BCL11B: variants seen among roughly 807,000 people sequenced by gnomAD.
The protein encoded by BCL11B is BCL11 transcription factor B, also known as B-cell lymphoma/leukemia 11B.
A neutral mutation model predicts 49.9 loss-of-function variants in BCL11B; 8 were observed. The observed-to-expected ratio is 0.16, with a 90% confidence interval of 0.09 to 0.29. BCL11B has a LOEUF of 0.29. Among genes scored for constraint, BCL11B ranks in the 10% least tolerant of loss-of-function variants. BCL11B has a pLI of 1.00. For synonymous variants in BCL11B, 739 were observed against 637.4 expected (o/e 1.16, Z -2.40); for missense variants, 1,006 against 1,351.0 (o/e 0.74, Z 4.00).
rs1888667479 is a variant in BCL11B at position 99,241,430 on chromosome 14, T to C, written c.428-9873A>G. ...AGAGGAAGAAAGCAGCAAGCATCGC[T>C]CAGGAGGCCTCAGAGACTAAACAGA... On this transcript the variant is annotated intron_variant, in intron 2 of 3. Coordinates refer to ENST00000357195, the MANE Select transcript of BCL11B (RefSeq NM_138576.4). The surrounding 1 kb of genome is among the most constrained non-coding windows in gnomAD (Gnocchi z 4.4). Among the ~76,000 whole-genome samples, 2 of 150,946 alleles carry C rather than the reference T, an allele frequency of 1.3e-5. No individual in the cohort carries two copies.
chr14:99,201,405 C>T (rs765976069), intron 3 of BCL11B, among the ~76,000 whole-genome samples: 2 of 152,178 alleles, frequency 1.3e-5, no homozygotes, highest in African/African-American at 4.8e-5. Context: ...CAACATGAAT[C>T]GCTGTCATGA....
intron 3 of BCL11B, among the ~76,000 whole-genome samples, chr14:99,219,814 A>G (rs886320277): frequency 1.3e-5 from 1 of 76,852 alleles, no homozygotes; most frequent in Non-Finnish European, 2.4e-5. Context: ...AATAAAAATT[A>G]AAAAAAAAAA....
chr14:99,253,695 T>C (rs1199531655), intron 2 of BCL11B, among the ~76,000 whole-genome samples: 1 of 151,678 alleles, frequency 6.6e-6, no homozygotes, highest in Non-Finnish European at 1.5e-5. Flanking sequence ...TCACCCCTCC[T>C]CAAAACACCC....
At chr14:99,179,722 C>A (rs1886645769) in intron 3 of BCL11B, among the ~76,000 whole-genome samples, 1 of 152,154 alleles carries the variant, frequency 6.6e-6, no homozygotes, top group African/African-American at 2.4e-5. Flanking sequence ...AGTGCAGGAT[C>A]TGAAGCCTTC....
intron 3 of BCL11B, among the ~76,000 whole-genome samples, chr14:99,179,059 G>A (rs1886621467): frequency 6.6e-6 from 1 of 152,216 alleles, no homozygotes; most frequent in South Asian, 2.1e-4. Context: ...CAGCAGTGAA[G>A]GCGGCTCTAC....
At chr14:99,193,222 CTT>C (rs1887088638) in intron 3 of BCL11B, among the ~76,000 whole-genome samples, 1 of 152,216 alleles carries the variant, frequency 6.6e-6, no homozygotes, top group African/African-American at 2.4e-5. Context: ...GCACACTCCT[CTT>C]TCTTTCTCCC....
At chr14:99,246,992 G>A (rs1051066065) in intron 2 of BCL11B, among the ~76,000 whole-genome samples, 5 of 152,114 alleles carry the variant, frequency 3.3e-5, no homozygotes, top group Non-Finnish European at 7.4e-5. Context: ...AGTGACCCAG[G>A]CCCCAGAGGG....
chr14:99,259,076 C>G (rs528360847), intron 1 of BCL11B, among the ~76,000 whole-genome samples: 1 of 152,034 alleles, frequency 6.6e-6, no homozygotes, highest in African/African-American at 2.4e-5. Context: ...TGAGCAAATT[C>G]GGGCTGGAAT....
At chr14:99,243,414 G>T (rs1443106670) in intron 2 of BCL11B, among the ~76,000 whole-genome samples, 1 of 152,092 alleles carries the variant, frequency 6.6e-6, no homozygotes, top group East Asian at 1.9e-4. Flanking sequence ...CTGCCCCCAC[G>T]GACTGAACAA....
intron 3 of BCL11B, among the ~76,000 whole-genome samples, chr14:99,209,984 G>T (rs925947086): frequency 2.0e-5 from 3 of 152,002 alleles, no homozygotes; most frequent in African/African-American, 4.8e-5. Flanking sequence ...CTCTCATCAA[G>T]GGCTGAGGAA....
Position 99,257,931 on chromosome 14 carries a change from G to A in BCL11B, c.59-92C>T, listed in dbSNP as rs949572139. On this transcript the variant is annotated intron_variant, in intron 1 of 3. Coordinates refer to ENST00000357195, the MANE Select transcript of BCL11B (RefSeq NM_138576.4). The surrounding 1 kb of genome is among the most constrained non-coding windows in gnomAD (Gnocchi z 6.2). ...CCAACTTCCGGTCCACCCCTTCCCC[G>A]CCAAGAAGCAGCCCCCTCTGCTGCT... The A allele has an allele frequency of 1.4e-5, 19 of 1,377,716 alleles. No individual in the cohort carries two copies. Among genetic ancestry groups the A allele is most frequent in the Middle Eastern group, 2.4e-4 (1 of 4,158 alleles). 85.3% of individuals were successfully genotyped at this position (1,377,716 alleles called of 1,614,324 possible). A position where few individuals can be genotyped will look rare whatever the true frequency, so the allele number is the denominator to read the frequency against.
rs1409545641 is a variant in BCL11B at position 99,174,297 on chromosome 14, C to T, written c.2539G>A (p.Gly847Arg). 6.2e-7 allele frequency: 1 copy of T among 1,613,556 alleles called. No individual in the cohort carries two copies. The highest frequency in any genetic ancestry group is 8.5e-7 in the Non-Finnish European group (1 of 1,180,014). The change falls in exon 4 of 4, where the codon GGG becomes AGG. Residue 847 changes from glycine to arginine, a missense_variant. Gly to Arg is a moderately radical substitution (Grantham distance 125, BLOSUM62 -2). Transcript: ENST00000357195. ...SKLTRHMKTHGQIGKEVYRCD... is the reference protein window; with the variant it reads ...SKLTRHMKTHRQIGKEVYRCD... ...CGGTACACCTCCTTGCCGATCTGCC[C>T]GTGCGTCTTCATGTGGCGCGTGAGC...
At chr14:99,234,107 G>A (rs1888417838) in intron 2 of BCL11B, among the ~76,000 whole-genome samples, 1 of 152,142 alleles carries the variant, frequency 6.6e-6, no homozygotes, top group Non-Finnish European at 1.5e-5. Context: ...GTTCATAAGA[G>A]GCAAATCCAC....
At chr14:99,208,717 A>C (rs1400543896) in intron 3 of BCL11B, among the ~76,000 whole-genome samples, 1 of 152,194 alleles carries the variant, frequency 6.6e-6, no homozygotes. Context: ...CCGTTGTTTG[A>C]GGCATTTCTG....
intron 3 of BCL11B, among the ~76,000 whole-genome samples, chr14:99,220,973 C>T (rs2139865600): frequency 6.6e-6 from 1 of 152,234 alleles, no homozygotes; most frequent in East Asian, 1.9e-4. Flanking sequence ...GCCTCAGCCT[C>T]CCAAGTAGCT....
At chr14:99,219,023 T>A (rs1887934266) in intron 3 of BCL11B, among the ~76,000 whole-genome samples, 1 of 150,302 alleles carries the variant, frequency 6.7e-6, no homozygotes, top group Admixed American at 6.7e-5. Flanking sequence ...AAAATACATT[T>A]CTTTTCTTTT....
intron 3 of BCL11B, among the ~76,000 whole-genome samples, chr14:99,201,892 A>C (rs1887395107): frequency 6.6e-6 from 1 of 152,006 alleles, no homozygotes; most frequent in South Asian, 2.1e-4. Context: ...CTTCCTCTCT[A>C]TTTCTGGTGA....
intron 2 of BCL11B, among the ~76,000 whole-genome samples, chr14:99,238,869 G>T (rs1454873564): frequency 6.6e-6 from 1 of 152,114 alleles, no homozygotes; most frequent in Non-Finnish European, 1.5e-5. Context: ...CCAAATTGGG[G>T]CCCACCATCC....
At chr14:99,178,516 T>A (rs1886605635) in intron 3 of BCL11B, among the ~76,000 whole-genome samples, 2 of 152,154 alleles carry the variant, frequency 1.3e-5, no homozygotes, top group Admixed American at 1.3e-4. Flanking sequence ...CTCTGTGCAC[T>A]CTCAGCGAAC....
Sources: allele counts gnomAD v4.1 joint callset (sites outside exome capture counted in the v4.1 genomes callset), GRCh38; gene constraint gnomAD v4.1.1; non-coding constraint Gnocchi (gnomAD v3.1); transcripts MANE v1.5; gene names NCBI Gene and HGNC (gene_info 2026-07-23, HGNC 2026-07-21).